The following C1QTNF7 variants were observed in gnomAD, a reference collection of about 807,000 sequenced individuals.
C1QTNF7 encodes C1q and TNF related 7.
Under a neutral mutation model 19.6 loss-of-function variants are expected in C1QTNF7, and 15 were observed. The ratio of observed to expected loss-of-function variants is 0.76; its 90% CI spans 0.51 to 1.18. The LOEUF is 1.18. C1QTNF7 is among the 50% of genes most tolerant of loss of function. The probability of loss-of-function intolerance (pLI) is 0.00; values close to 1 mark genes in which losing one functional copy is unlikely to be tolerated. For synonymous variants in C1QTNF7, 142 were observed against 137.5 expected, an observed-to-expected ratio of 1.03 and a Z score of -0.23; for missense variants, 324 against 359.7, an observed-to-expected ratio of 0.90 and a Z score of 0.80.
chr4:15,413,235 A>G (rs1159986942), intron 1 of C1QTNF7, among the ~76,000 whole-genome samples: 1 of 152,150 alleles, frequency 6.6e-6, no homozygotes, highest in African/African-American at 2.4e-5. Flanking sequence ...TCTACCACCT[A>G]TTTCCGTGGT....
In C1QTNF7 at chr4:15,445,872, A is replaced by G. The variant is rs1712977842; in HGVS notation, c.*3073A>G. ...AGCCACTTAAGAAGATAAATAAGATATAAAAAGAAAACAGCAGTCAAAAGC... is the reference window on the plus strand; with the variant it reads ...AGCCACTTAAGAAGATAAATAAGATGTAAAAAGAAAACAGCAGTCAAAAGC... On this transcript the variant is annotated 3_prime_UTR_variant, in exon 3 of 3. Coordinates refer to ENST00000444304, the MANE Select transcript of C1QTNF7 (RefSeq NM_031911.5). 1 of 152,226 alleles carries G rather than the reference A, an allele frequency of 6.6e-6. No individual in the cohort carries two copies. The highest frequency in any genetic ancestry group is 1.5e-5 in the Non-Finnish European group (1 of 68,052). The allele number at this position is 152,226 out of a possible 1,614,324, so 9.4% of individuals were successfully genotyped here.
rs892650148 is a variant in C1QTNF7, at chr4:15,445,091, C to T, written c.*2292C>T. Reference sequence around the variant, plus strand: ...AACCCTATCTTGCTTTCATTGTCTTCATCTTCCTGCCATACTTTGTGCACT... The same window carrying T: ...AACCCTATCTTGCTTTCATTGTCTTTATCTTCCTGCCATACTTTGTGCACT... On this transcript the variant is annotated 3_prime_UTR_variant, in exon 3 of 3. Coordinates refer to ENST00000444304, the MANE Select transcript of C1QTNF7 (RefSeq NM_031911.5). The T allele has an allele frequency of 3.9e-5, 6 of 152,244 alleles. No homozygotes were observed. The highest frequency in any genetic ancestry group is 5.9e-5 in the Non-Finnish European group (4 of 68,082). 9.4% of individuals were successfully genotyped at this position (152,244 alleles called of 1,614,324 possible).
chr4:15,376,611 C>T (rs999008187), intron 1 of C1QTNF7, among the ~76,000 whole-genome samples: 1 of 152,132 alleles, frequency 6.6e-6, no homozygotes, highest in Non-Finnish European at 1.5e-5. Context: ...CCAAGGCTAG[C>T]GAGGTTTACT....
At chr4:15,425,790 A>AT, upstream of C1QTNF7, among the ~76,000 whole-genome samples, 1 of 152,326 alleles carries the variant, frequency 6.6e-6, no homozygotes, top group South Asian at 2.1e-4. Context: ...TGCTCATTAC[A>AT]TATCAGCTAG....
At chr4:15,374,792 A>G (rs1382372841) in intron 1 of C1QTNF7, 2 of 936,274 alleles carry the variant, frequency 2.1e-6, no homozygotes, top group African/African-American at 2.7e-5. Flanking sequence ...CCCTCTCTCC[A>G]TTGATAAACG....
rs1193546419 is a variant in C1QTNF7, at chr4:15,402,070, A to T, written c.14-33666A>T. On this transcript the variant is annotated intron_variant, in intron 1 of 2. Transcript: ENST00000295297. ...ACACCATATCCCAGGAAAAATAAGC[A>T]AGATTGGTAACATCAAGATATGGAC... is the stretch of plus-strand genomic sequence containing the variant. Among the ~76,000 whole-genome samples, 4 of 152,228 alleles carry T rather than the reference A, an allele frequency of 2.6e-5. No homozygotes were observed. In the East Asian group the frequency reaches 5.8e-4, roughly 22 times the overall value.
chr4:15,402,028 C>T (rs974798011), intron 1 of C1QTNF7, among the ~76,000 whole-genome samples: 2 of 152,152 alleles, frequency 1.3e-5, no homozygotes, highest in African/African-American at 2.4e-5. Context: ...AAAAAGCTTT[C>T]TCTAAATGTA....
intron 1 of C1QTNF7, among the ~76,000 whole-genome samples, chr4:15,405,587 C>T (rs1332417926): frequency 2.6e-5 from 4 of 152,170 alleles, no homozygotes; most frequent in Non-Finnish European, 5.9e-5. Flanking sequence ...AACTTAAGTT[C>T]ACAAAACCTT....
chr4:15,419,731 G>A (rs1324958458), intron 1 of C1QTNF7, among the ~76,000 whole-genome samples: 1 of 152,020 alleles, frequency 6.6e-6, no homozygotes, highest in Non-Finnish European at 1.5e-5. Flanking sequence ...TAAAAAAATA[G>A]CATATGTATT....
intron 1 of C1QTNF7, among the ~76,000 whole-genome samples, chr4:15,341,505 G>A (rs9999461): frequency 0.024 from 3,721 of 152,306 alleles, 152 homozygotes; most frequent in African/African-American, 0.085. Context: ...GCTCATTGCA[G>A]AGTGATCAGG....
chr4:15,341,765 G>A (rs1716547099), intron 1 of C1QTNF7, among the ~76,000 whole-genome samples: 1 of 152,232 alleles, frequency 6.6e-6, no homozygotes, highest in Admixed American at 6.5e-5. Context: ...TTGGAGTGGG[G>A]TCTCCGGGGC....
chr4:15,356,497 C>T (rs758373834), intron 1 of C1QTNF7, among the ~76,000 whole-genome samples: 3 of 152,150 alleles, frequency 2.0e-5, no homozygotes, highest in Non-Finnish European at 2.9e-5. Flanking sequence ...TCCAGTCAAT[C>T]ATTGATGGGC....
At chr4:15,423,339 G>A (rs1445380889), upstream of C1QTNF7, among the ~76,000 whole-genome samples, 9 of 152,144 alleles carry the variant, frequency 5.9e-5, no homozygotes, top group Non-Finnish European at 8.8e-5. Context: ...TATGTTCAGG[G>A]CCCAGCACAG....
At chr4:15,412,177 A>G (rs1299754902) in intron 1 of C1QTNF7, among the ~76,000 whole-genome samples, 5 of 152,202 alleles carry the variant, frequency 3.3e-5, no homozygotes. Context: ...GTCTAGTAGC[A>G]GGAAAATAAG....
chr4:15,421,173 C>T (rs186282683), intron 1 of C1QTNF7, among the ~76,000 whole-genome samples: 2 of 151,398 alleles, frequency 1.3e-5, no homozygotes, highest in Admixed American at 6.6e-5. Context: ...TCAAATAGAC[C>T]GAGATGACTG....
chr4:15,437,701 A>G (rs902253451), intron 2 of C1QTNF7, among the ~76,000 whole-genome samples: 6 of 152,176 alleles, frequency 3.9e-5, no homozygotes, highest in African/African-American at 1.4e-4. Context: ...ATTTCTGTGC[A>G]CCTATTACTA....
intron 1 of C1QTNF7, among the ~76,000 whole-genome samples, chr4:15,366,274 C>T (rs555121873): frequency 4.6e-5 from 7 of 152,160 alleles, no homozygotes; most frequent in Non-Finnish European, 1.0e-4. Flanking sequence ...AACTGAAAGC[C>T]TCACATCTCG....
chr4:15,375,180 T>C (rs1717889903), intron 1 of C1QTNF7, among the ~76,000 whole-genome samples: 1 of 152,070 alleles, frequency 6.6e-6, no homozygotes, highest in African/African-American at 2.4e-5. Context: ...ACATTGAAGG[T>C]GCTTTCTTCA....
chr4:15,407,917 C>T (rs1344886224), intron 1 of C1QTNF7, among the ~76,000 whole-genome samples: 1 of 151,672 alleles, frequency 6.6e-6, no homozygotes, highest in Non-Finnish European at 1.5e-5. Flanking sequence ...AAGAGCGAAA[C>T]TCTGTCTCAA....
Sources: allele counts gnomAD v4.1 joint callset (sites outside exome capture counted in the v4.1 genomes callset), GRCh38; gene constraint gnomAD v4.1.1; transcripts MANE v1.5; gene names NCBI Gene and HGNC (gene_info 2026-07-23, HGNC 2026-07-21).